The following DOCK11 variants were observed in gnomAD, a reference collection of about 807,000 sequenced individuals.
DOCK11 encodes the protein dedicator of cytokinesis protein 11.
A neutral mutation model predicts 169.1 loss-of-function variants in DOCK11; 70 were observed. That is an observed-to-expected ratio of 0.41 (90% CI 0.34 to 0.51). The LOEUF (loss-of-function observed/expected upper bound fraction) is 0.51, where lower values mean the gene tolerates loss of function less well. Ranked by LOEUF, DOCK11 falls within the 20% of genes least tolerant of loss-of-function variation. The pLI is 0.10. For synonymous variants in DOCK11, 529 were observed against 541.3 expected, an observed-to-expected ratio of 0.98 and a Z score of 0.32; for missense variants, 1,166 against 1,538.8, an observed-to-expected ratio of 0.76 and a Z score of 4.05.
chrX:118,545,711 C>T (rs990995945), intron 5 of DOCK11, among the ~76,000 whole-genome samples: 1 of 110,994 alleles, frequency 9.0e-6, no homozygotes, highest in Admixed American at 9.6e-5. Context: ...GACTCTCCTG[C>T]CTGATAGATT....
At chrX:118,539,673 A>G (rs183880540) in intron 1 of DOCK11, among the ~76,000 whole-genome samples, 36 of 111,362 alleles carry the variant, frequency 3.2e-4, no homozygotes, top group African/African-American at 1.2e-3. Context: ...AAAAATCATA[A>G]CACCACTTTG....
chrX:118,570,091 C>A (rs1401851105), intron 10 of DOCK11, among the ~76,000 whole-genome samples: 1 of 112,268 alleles, frequency 8.9e-6, no homozygotes. Flanking sequence ...TTATGGAAGG[C>A]AGTGTCGCCT....
intron 1 of DOCK11, among the ~76,000 whole-genome samples, chrX:118,528,705 C>T (rs1421609971): frequency 9.2e-6 from 1 of 109,234 alleles, no homozygotes; most frequent in East Asian, 2.9e-4. Context: ...GTAACCAAAG[C>T]TAGTCTAGGC....
At chrX:118,562,088 C>T (rs1364465786) in intron 7 of DOCK11, among the ~76,000 whole-genome samples, 1 of 107,752 alleles carries the variant, frequency 9.3e-6, no homozygotes, top group African/African-American at 3.4e-5. Context: ...ATCGCTTGAA[C>T]CCAGGAGTCA....
chrX:118,671,170 ATTGAC>A, intron 46 of DOCK11, 25 bp downstream of exon 46: 1 of 1,188,983 alleles, frequency 8.4e-7, no homozygotes, highest in Non-Finnish European at 1.1e-6. Flanking sequence ...CATTTTTATC[ATTGAC>A]TTATGTATTT....
Position 118,680,664 on chromosome X carries a change from A to G in DOCK11, c.5643A>G (p.Glu1881=). The G allele has an allele frequency of 8.3e-7, 1 of 1,202,319 alleles. No individual in the cohort carries two copies. The highest frequency in any genetic ancestry group is 1.1e-6 in the Non-Finnish European group (1 of 890,360). ...GCAAAAAACAGGGCTGTATAGAAGA[A>G]CAGTGCAAACGCCGTACAATCTTGA... The part of the protein sequence containing the change: ...LSGKKQGCIE[E]QCKRRTILTT... Residue 1881 remains glutamate (E), a synonymous_variant, in exon 49 of 53, where the codon GAA becomes GAG. Coordinates refer to ENST00000276202, the MANE Select transcript of DOCK11 (RefSeq NM_144658.4).
In DOCK11 at chrX:118,585,101, T is replaced by C. The variant is rs1228995629; in HGVS notation, c.1779T>C (p.Val593=). Reference sequence around the variant, plus strand: ...AGCTAAACATCACAGTAGAATGTGTTCCTGTGGATTTATCAAGTAAGAACA... The same window carrying C: ...AGCTAAACATCACAGTAGAATGTGTCCCTGTGGATTTATCAAGTAAGAACA... ...PGQLNITVEC[V]PVDLSNCITS... is the part of the protein sequence containing the mutation. The change falls in exon 16 of 53, where the codon GTT becomes GTC. Residue 593 remains valine, a synonymous_variant. Transcript: ENST00000276202. The C allele has an allele frequency of 8.3e-7, 1 of 1,204,475 alleles. No individual in the cohort carries two copies. The highest frequency in any genetic ancestry group is 1.8e-5 in the African/African-American group (1 of 57,111).
intron 6 of DOCK11, among the ~76,000 whole-genome samples, chrX:118,557,967 T>A (rs1202902804): frequency 1.9e-5 from 2 of 104,397 alleles, no homozygotes; most frequent in Admixed American, 2.1e-4. Flanking sequence ...GTGACTTGCC[T>A]GTGTGAACCT....
chrX:118,630,512 C>T (rs2015212312), intron 35 of DOCK11, 22 bp downstream of exon 35: 1 of 1,041,234 alleles, frequency 9.6e-7, no homozygotes, highest in Non-Finnish European at 1.3e-6. Flanking sequence ...TCATATTAAG[C>T]ATGGACTGTA....
intron 1 of DOCK11, among the ~76,000 whole-genome samples, chrX:118,533,645 G>T (rs1422429407): frequency 8.9e-6 from 1 of 112,296 alleles, no homozygotes; most frequent in East Asian, 2.8e-4. Flanking sequence ...CCTCTAGGAG[G>T]TTATGTTTTA....
chrX:118,547,807 C>CGT (rs370423924), intron 6 of DOCK11, among the ~76,000 whole-genome samples: 110 of 112,316 alleles, frequency 9.8e-4, no homozygotes, highest in African/African-American at 3.5e-3. Flanking sequence ...CAGAAATGTA[C>CGT]GTGAAGGTTA....
chrX:118,638,265 T>A, intron 37 of DOCK11, 138 bp downstream of exon 37: 1 of 560,417 alleles, frequency 1.8e-6, no homozygotes, highest in Non-Finnish European at 2.9e-6. Flanking sequence ...CATGTCCCAA[T>A]TGAAAGTTTA....
At chrX:118,556,439 C>T (rs1333698105) in intron 6 of DOCK11, among the ~76,000 whole-genome samples, 1 of 108,917 alleles carries the variant, frequency 9.2e-6, no homozygotes, top group African/African-American at 3.3e-5. Context: ...GTTCCTGCTC[C>T]AGAAGGGGTT....
rs780561696 is a variant in DOCK11, at chrX:118,495,939, C to T, written c.-33C>T. 136 of 1,001,638 alleles carry T rather than the reference C, an allele frequency of 1.4e-4. 1 individual carries two copies. The African/African-American group carries it at 2.7e-3, about 20-fold the overall frequency. The allele number at this position is 1,001,638 out of a possible 1,213,427, so 82.5% of individuals were successfully genotyped here. On this transcript the variant is annotated 5_prime_UTR_variant, in exon 1 of 53. Transcript: ENST00000276202. ...GAGTCCACCCGCCCGCCGAGGTCCG[C>T]CCGCCCGCCGAGACCCGCCCGCCGC...
intron 39 of DOCK11, 79 bp from the exon 40 acceptor site, chrX:118,643,378 G>T (rs1053569218): frequency 2.1e-6 from 2 of 964,627 alleles, no homozygotes; most frequent in Non-Finnish European, 2.8e-6. Flanking sequence ...TCCAAACAGT[G>T]GTTTCATAAA....
intron 20 of DOCK11, among the ~76,000 whole-genome samples, chrX:118,596,902 T>G (rs1173881372): frequency 1.8e-5 from 2 of 111,539 alleles, no homozygotes; most frequent in Non-Finnish European, 3.8e-5. Flanking sequence ...AAATATGGAG[T>G]GTAGCCGTGA....
rs1191968312 is a variant in DOCK11, at chrX:118,516,004, A to AATATATATATATATATATATAT, written c.102+19946_102+19947insTATATATATATATATATATATA. ...ATGTTCAAAAGTAAGGATTTGGGCA[A>AATATATATATATATATATATAT]ATATATATATATATACATTCTTACA... On this transcript the variant is annotated intron_variant, in intron 1 of 52. Transcript: ENST00000276202. 4.7e-3 allele frequency among the ~76,000 whole-genome samples: 210 copies of AATATATATATATATATATATAT among 44,873 alleles called. 13 individuals carry two copies. Among genetic ancestry groups the AATATATATATATATATATATAT allele is most frequent in the Middle Eastern group, 0.032 (2 of 63 alleles). 39.0% of individuals were successfully genotyped at this position (44,873 alleles called of 115,157 possible).
Position 118,664,185 on chromosome X carries a change from A to G in DOCK11, c.5076+1393A>G, listed in dbSNP as rs1273885933. On this transcript the variant is annotated intron_variant, in intron 45 of 52. Transcript: ENST00000276202. ...GAAATAGTGTGAGGAAAAGATGCTG[A>G]TTTGCTGGCTGTGGGAGGGGAAGGG... Among the ~76,000 whole-genome samples the G allele has an allele frequency of 4.5e-5, 5 of 111,094 alleles. No individual in the cohort carries two copies. The East Asian group carries it at 1.4e-3, about 31-fold the overall frequency.
intron 20 of DOCK11, 79 bp from the exon 21 acceptor site, chrX:118,597,352 T>G (rs2014197711): frequency 8.5e-7 from 1 of 1,173,243 alleles, no homozygotes; most frequent in Admixed American, 2.2e-5. Flanking sequence ...CACCCTGCCC[T>G]GCCCCCTAGC....
Sources: allele counts gnomAD v4.1 joint callset (sites outside exome capture counted in the v4.1 genomes callset), GRCh38; gene constraint gnomAD v4.1.1; transcripts MANE v1.5; gene names NCBI Gene and HGNC (gene_info 2026-07-23, HGNC 2026-07-21).